GRK5: variants seen among roughly 807,000 people sequenced by gnomAD.
The protein encoded by GRK5 is G protein-coupled receptor kinase 5.
Under a neutral mutation model 78.4 loss-of-function variants are expected in GRK5, and 40 were observed. The observed-to-expected ratio is 0.51, with a 90% CI of 0.40 to 0.66. The LOEUF (loss-of-function observed/expected upper bound fraction) is 0.66, where lower values mean the gene tolerates loss of function less well. GRK5 is among the 30% of genes least tolerant of loss of function. The pLI is 0.00. For missense variants in GRK5, 598 were observed against 759.9 expected (o/e 0.79, Z 2.50); for synonymous variants, 289 against 296.8 (o/e 0.97, Z 0.27).
intron 1 of GRK5, among the ~76,000 whole-genome samples, chr10:119,256,059 C>G (rs748445358): frequency 1.3e-5 from 2 of 152,168 alleles, no homozygotes; most frequent in Non-Finnish European, 2.9e-5. Flanking sequence ...TTCAAGCAAA[C>G]CAGTTTGAAA....
rs12721550 is a variant in GRK5, at chr10:119,431,561, C to T, written c.738+34C>T. On this transcript the variant is annotated intron_variant, in intron 8 of 15. Transcript: ENST00000392870. This position sits in a 1 kb window ranked among gnomAD's most constrained non-coding sequence, Gnocchi z 4.8. ...GCATCTGGGCCCAGTGACCGGCTCG[C>T]CCTTCTGTGGACTGGGGCTTCCCTC... 5 of 1,602,342 alleles carry T rather than the reference C, an allele frequency of 3.1e-6. No homozygotes were observed. The African/African-American group carries it at 5.4e-5, about 17-fold the overall frequency.
intron 1 of GRK5, among the ~76,000 whole-genome samples, chr10:119,303,687 A>G (rs4751709): frequency 0.97 from 147,274 of 152,172 alleles, 71,290 homozygotes; most frequent in African/African-American, 0.99. Flanking sequence ...ATAGTTTGAA[A>G]GGGGCAAGAA....
chr10:119,207,991 T>G (rs373449275), intron 1 of GRK5, 22 bp downstream of exon 1: 1 of 1,598,600 alleles, frequency 6.3e-7, no homozygotes, highest in Non-Finnish European at 8.5e-7. Context: ...GGCCGGTACG[T>G]GCCCGGCGCG....
intron 1 of GRK5, among the ~76,000 whole-genome samples, chr10:119,293,185 A>G (rs183025100): frequency 6.6e-6 from 1 of 152,336 alleles, no homozygotes; most frequent in African/African-American, 2.4e-5. Flanking sequence ...TTCTTGTGAA[A>G]CAGGTGGAGG....
chr10:119,294,025 G>C (rs1436152344), intron 1 of GRK5, among the ~76,000 whole-genome samples: 1 of 152,034 alleles, frequency 6.6e-6, no homozygotes, highest in African/African-American at 2.4e-5. Flanking sequence ...GAAAAACAGA[G>C]ACCCAGGAGC....
At chr10:119,395,922 T>C (rs911009162) in intron 3 of GRK5, among the ~76,000 whole-genome samples, 5 of 152,282 alleles carry the variant, frequency 3.3e-5, no homozygotes, top group Admixed American at 3.3e-4. Context: ...GGGGTTGGGA[T>C]GGCAGCCCCT....
intron 2 of GRK5, among the ~76,000 whole-genome samples, chr10:119,377,653 G>A (rs923525200): frequency 1.2e-4 from 19 of 152,130 alleles, no homozygotes; most frequent in Non-Finnish European, 2.5e-4. Flanking sequence ...GGTGTTTACT[G>A]TGCTGGGAGT....
chr10:119,277,318 A>G (rs1041814802), intron 1 of GRK5, among the ~76,000 whole-genome samples: 1 of 152,162 alleles, frequency 6.6e-6, no homozygotes, highest in African/African-American at 2.4e-5. Flanking sequence ...TGGCTCTCCA[A>G]ACTAGTTGTG....
At chr10:119,283,847 G>A (rs924153663) in intron 1 of GRK5, among the ~76,000 whole-genome samples, 1 of 152,234 alleles carries the variant, frequency 6.6e-6, no homozygotes, top group African/African-American at 2.4e-5. Flanking sequence ...GCAAGAGAAT[G>A]TTTCAAGGTT....
intron 1 of GRK5, among the ~76,000 whole-genome samples, chr10:119,259,177 G>T (rs1447944888): frequency 6.7e-6 from 1 of 149,586 alleles, no homozygotes; most frequent in Non-Finnish European, 1.5e-5. Flanking sequence ...CCATTCTCCT[G>T]CCTCAGCCTC....
intron 1 of GRK5, among the ~76,000 whole-genome samples, chr10:119,227,697 T>C (rs1848763415): frequency 6.6e-6 from 1 of 152,210 alleles, no homozygotes; most frequent in South Asian, 2.1e-4. Context: ...ACAGGTAGTA[T>C]GTAGGGATCC....
intron 2 of GRK5, among the ~76,000 whole-genome samples, chr10:119,327,838 C>T (rs552455165): frequency 3.2e-4 from 48 of 152,304 alleles, no homozygotes; most frequent in African/African-American, 1.1e-3. Context: ...AGGAAACGTC[C>T]TTAAGACCCA....
intron 1 of GRK5, among the ~76,000 whole-genome samples, chr10:119,298,839 A>AC (rs1463995456): frequency 1.3e-5 from 2 of 150,120 alleles, no homozygotes; most frequent in African/African-American, 4.9e-5. Context: ...AATTCCATTT[A>AC]CCCCCCAGCC....
chr10:119,386,128 G>T (rs1259412982), intron 3 of GRK5, among the ~76,000 whole-genome samples: 2 of 152,172 alleles, frequency 1.3e-5, no homozygotes, highest in Non-Finnish European at 2.9e-5. Context: ...CAAGTGATCT[G>T]CCTGCTTTGG....
chr10:119,425,666 A>C (rs1235632173), intron 6 of GRK5, among the ~76,000 whole-genome samples: 1 of 152,218 alleles, frequency 6.6e-6, no homozygotes, highest in East Asian at 1.9e-4. Flanking sequence ...CCTCAGCTTC[A>C]TCAATGCTGT....
intron 1 of GRK5, among the ~76,000 whole-genome samples, chr10:119,279,296 A>G (rs1849720702): frequency 6.6e-6 from 1 of 152,204 alleles, no homozygotes; most frequent in Admixed American, 6.5e-5. Context: ...CTCCAAATAC[A>G]GTCATGTTCT....
chr10:119,394,250 G>C (rs1436496359), intron 3 of GRK5, among the ~76,000 whole-genome samples: 2 of 113,346 alleles, frequency 1.8e-5, no homozygotes, highest in African/African-American at 6.6e-5. Context: ...GTGTCTGTGT[G>C]TGGATGTATC....
chr10:119,293,478 ATTG>A (rs534023832), intron 1 of GRK5, among the ~76,000 whole-genome samples: 41 of 152,276 alleles, frequency 2.7e-4, no homozygotes, highest in Middle Eastern at 3.4e-3. Flanking sequence ...GTATTAAGTG[ATTG>A]TTGTTCCTCG....
intron 2 of GRK5, among the ~76,000 whole-genome samples, chr10:119,364,816 T>G (rs1237531522): frequency 6.6e-6 from 1 of 152,226 alleles, no homozygotes; most frequent in African/African-American, 2.4e-5. Context: ...GAGGTTCCAG[T>G]TTGGAATTTT....
Sources: gnomAD v4.1 joint callset for allele counts (sites outside exome capture counted in the v4.1 genomes callset) on GRCh38, gnomAD v4.1.1 for gene constraint, Gnocchi (gnomAD v3.1) non-coding constraint, MANE v1.5 for transcripts, NCBI Gene and HGNC (gene_info 2026-07-23, HGNC 2026-07-21) for gene names.